PDSS2: variants seen among roughly 807,000 people sequenced by gnomAD.
The protein encoded by PDSS2 is decaprenyl diphosphate synthase subunit 2.
Under a neutral mutation model 44.5 loss-of-function variants are expected in PDSS2, and 31 were observed. That is an observed-to-expected ratio of 0.70 (90% CI 0.52 to 0.94). The LOEUF (loss-of-function observed/expected upper bound fraction) is 0.94. PDSS2 is among the 40% of genes least tolerant of loss of function. PDSS2 has a pLI of 0.00. For synonymous variants in PDSS2, 157 were observed against 180.3 expected (o/e 0.87, Z 1.03); for missense variants, 452 against 482.2 (o/e 0.94, Z 0.59).
intron 1 of PDSS2, among the ~76,000 whole-genome samples, chr6:107,398,257 A>G (rs954994316): frequency 6.6e-6 from 1 of 152,226 alleles, no homozygotes; most frequent in Non-Finnish European, 1.5e-5. Context: ...AGAAGCAGAT[A>G]AGAAAATTCA....
chr6:107,216,544 T>G (rs745324040), intron 4 of PDSS2, among the ~76,000 whole-genome samples: 1 of 151,692 alleles, frequency 6.6e-6, no homozygotes, highest in Non-Finnish European at 1.5e-5. Context: ...CAAAACTGAA[T>G]GCGCAAAACT....
At chr6:107,164,167 A>T (rs1334789582) in intron 7 of PDSS2, among the ~76,000 whole-genome samples, 1 of 136,410 alleles carries the variant, frequency 7.3e-6, no homozygotes, top group Non-Finnish European at 1.6e-5. Context: ...ACTTAAAAAA[A>T]ATTTTTTTTT....
intron 7 of PDSS2, among the ~76,000 whole-genome samples, chr6:107,172,967 T>C (rs1771637097): frequency 6.6e-6 from 1 of 151,400 alleles, no homozygotes; most frequent in South Asian, 2.1e-4. Context: ...CTACTAAAAA[T>C]ACAAAAATTA....
At chr6:107,307,523 CTT>C (rs77184396) in intron 2 of PDSS2, among the ~76,000 whole-genome samples, 15 of 142,094 alleles carry the variant, frequency 1.1e-4, no homozygotes, top group Admixed American at 2.1e-4. Context: ...CTTTTTAAGC[CTT>C]TTTTTTTTTT....
intron 1 of PDSS2, among the ~76,000 whole-genome samples, chr6:107,390,133 A>G (rs760655777): frequency 6.6e-6 from 1 of 152,152 alleles, no homozygotes; most frequent in Non-Finnish European, 1.5e-5. Flanking sequence ...ATTTACACAG[A>G]TACCCTCCAA....
chr6:107,393,979 A>G (rs1779861125), intron 1 of PDSS2, among the ~76,000 whole-genome samples: 2 of 152,168 alleles, frequency 1.3e-5, no homozygotes, highest in Admixed American at 1.3e-4. Context: ...GACAGCCAAG[A>G]GTTTCTTGCT....
Position 107,152,983 on chromosome 6 carries a change from C to G in PDSS2, c.*1636G>C, listed in dbSNP as rs1456489761. 6.6e-6 allele frequency: 1 copy of G among 152,330 alleles called. No individual in the cohort carries two copies. Among genetic ancestry groups the G allele is most frequent in the Non-Finnish European group, 1.5e-5 (1 of 68,026 alleles). The allele number at this position is 152,330 out of a possible 1,614,324, so 9.4% of individuals were successfully genotyped here. The stretch of plus-strand genomic sequence containing the variant: ...AGGCCTCAAATTATGGTGGCATAAA[C>G]TGTACAATTATGATATTTTGAGTAC... On this transcript the variant is annotated 3_prime_UTR_variant, in exon 8 of 8. Transcript: ENST00000369037.
chr6:107,215,520 C>G (rs1773380716), intron 4 of PDSS2, among the ~76,000 whole-genome samples: 1 of 152,084 alleles, frequency 6.6e-6, no homozygotes, highest in South Asian at 2.1e-4. Context: ...AGGAGTAAGA[C>G]AGAGATGCAC....
At chr6:107,274,378 T>A (rs1315735759) in intron 2 of PDSS2, 151 bp from the exon 3 acceptor site, 1 of 686,938 alleles carries the variant, frequency 1.5e-6, no homozygotes, top group East Asian at 2.7e-5. Context: ...TAAATAGAGG[T>A]CTCTCTACTG....
At chr6:107,246,610 C>T (rs945420498) in intron 3 of PDSS2, among the ~76,000 whole-genome samples, 16 of 152,232 alleles carry the variant, frequency 1.1e-4, no homozygotes, top group Non-Finnish European at 2.4e-4. Flanking sequence ...AATACAGACC[C>T]AAACAACAAG....
At chr6:107,224,436 G>T (rs141549529) in intron 4 of PDSS2, among the ~76,000 whole-genome samples, 1 of 151,460 alleles carries the variant, frequency 6.6e-6, no homozygotes, top group South Asian at 2.1e-4. Context: ...GCCCTGTCTT[G>T]ACAGGACATA....
intron 6 of PDSS2, among the ~76,000 whole-genome samples, chr6:107,209,738 G>A (rs1773131660): frequency 6.6e-6 from 1 of 151,920 alleles, no homozygotes; most frequent in Non-Finnish European, 1.5e-5. Context: ...CTTTAAGGAT[G>A]GTGGCTACCC....
intron 1 of PDSS2, among the ~76,000 whole-genome samples, chr6:107,405,725 T>C (rs1164402673): frequency 6.6e-6 from 1 of 150,948 alleles, no homozygotes; most frequent in Admixed American, 6.6e-5. Flanking sequence ...CGGGCGCCTG[T>C]AGTCCCAGCT....
chr6:107,370,714 A>G (rs1779103751), intron 1 of PDSS2, among the ~76,000 whole-genome samples: 1 of 152,222 alleles, frequency 6.6e-6, no homozygotes, highest in Non-Finnish European at 1.5e-5. Flanking sequence ...CTAGACCTAC[A>G]CATAACAACT....
At chr6:107,367,352 C>T (rs1778987404) in intron 1 of PDSS2, among the ~76,000 whole-genome samples, 1 of 152,042 alleles carries the variant, frequency 6.6e-6, no homozygotes, top group Admixed American at 6.5e-5. Flanking sequence ...ACTTCCTCAA[C>T]CTAATAAAAG....
chr6:107,177,667 CTT>C (rs1330915205), intron 7 of PDSS2, among the ~76,000 whole-genome samples: 1 of 152,164 alleles, frequency 6.6e-6, no homozygotes, highest in Non-Finnish European at 1.5e-5. Context: ...CAAAGAGAAA[CTT>C]AATTCTACAC....
chr6:107,179,214 T>C lies in PDSS2; in HGVS notation c.1041+14608A>G, dbSNP rs74690154. Among the ~76,000 whole-genome samples the C allele has an allele frequency of 6.1e-3, 931 of 152,268 alleles. 12 individuals carry two copies. The highest frequency in any genetic ancestry group is 0.021 in the African/African-American group (885 of 41,566). On this transcript the variant is annotated intron_variant, in intron 7 of 7. Transcript: ENST00000369037. ...GGGAGATCTTCCACAGGGGGCACCA[T>C]TGCGCTACACACTAATCAATCTTCA...
chr6:107,299,146 CAAAAAA>C (rs71991148), intron 2 of PDSS2, among the ~76,000 whole-genome samples: 2 of 53,494 alleles, frequency 3.7e-5, no homozygotes, highest in Non-Finnish European at 6.2e-5. Context: ...GACCCTGTCT[CAAAAAA>C]AAAAAAAAAA....
chr6:107,272,940 T>A (rs188523269), intron 3 of PDSS2, among the ~76,000 whole-genome samples: 2 of 152,098 alleles, frequency 1.3e-5, no homozygotes, highest in Non-Finnish European at 2.9e-5. Flanking sequence ...TTATTTTTTT[T>A]ATTTTTATTT....
Sources: gnomAD v4.1 joint callset for allele counts (sites outside exome capture counted in the v4.1 genomes callset) on GRCh38, gnomAD v4.1.1 for gene constraint, MANE v1.5 for transcripts, NCBI Gene and HGNC (gene_info 2026-07-23, HGNC 2026-07-21) for gene names.